ZFHX3: variants seen among roughly 807,000 people sequenced by gnomAD.
ZFHX3 encodes zinc finger homeobox protein 3.
In ZFHX3, 42 loss-of-function variants were observed where a neutral mutation model predicts 279.1. That is an observed-to-expected ratio of 0.15 (90% CI 0.12 to 0.19). The LOEUF is 0.19. Ranked by LOEUF, ZFHX3 falls within the 10% of genes least tolerant of loss-of-function variation. The pLI, the probability that ZFHX3 is intolerant of heterozygous loss-of-function variation, is 1.00. For synonymous variants in ZFHX3, 2,293 were observed against 1,957.8 expected (o/e 1.17, Z -4.52); for missense variants, 4,981 against 4,754.0 (o/e 1.05, Z -1.40).
chr16:72,808,243 G>C (rs2036330362), intron 7 of ZFHX3: 1 of 152,190 alleles, frequency 6.6e-6, no homozygotes, highest in East Asian at 1.9e-4. Flanking sequence ...TGATTCATCA[G>C]AGCAGAGATC....
chr16:73,127,435 G>A, intron 7 of ZFHX3: 2 of 1,305,424 alleles, frequency 1.5e-6, no homozygotes, highest in Non-Finnish European at 2.0e-6. Context: ...GAGCATCTCT[G>A]TTCCGGAACT....
chr16:72,898,163 T>C (rs1457510813), intron 3 of ZFHX3, among the ~76,000 whole-genome samples: 1 of 152,232 alleles, frequency 6.6e-6, no homozygotes, highest in Non-Finnish European at 1.5e-5. Context: ...GCTGGCTTTT[T>C]ATCTGCTCAA....
At chr16:73,220,758 T>TTGTGTGTG (rs142252855) in intron 5 of ZFHX3, among the ~76,000 whole-genome samples, 2 of 150,736 alleles carry the variant, frequency 1.3e-5, no homozygotes, top group Admixed American at 6.6e-5. Context: ...GTTGCATTCT[T>TTGTGTGTG]TGTGTGTGTG....
upstream of ZFHX3, among the ~76,000 whole-genome samples, chr16:73,063,669 T>C (rs1392232475): frequency 6.6e-6 from 1 of 152,100 alleles, no homozygotes; most frequent in East Asian, 1.9e-4. Flanking sequence ...GTTTGAATGT[T>C]GGTGCTAGAC....
intron 3 of ZFHX3, 49 bp from the exon 4 acceptor site, chr16:72,890,011 C>T (rs543997802): frequency 2.8e-5 from 43 of 1,531,768 alleles, no homozygotes; most frequent in East Asian, 1.9e-4. Flanking sequence ...CCACTCGAAG[C>T]GGCCACTGGC....
At chr16:73,753,986 A>ATGTGTGTG (rs1310925312) in intron 1 of ZFHX3, among the ~76,000 whole-genome samples, 1,515 of 147,418 alleles carry the variant, frequency 0.01, 34 homozygotes, top group African/African-American at 0.035. Flanking sequence ...GTAAGAATCA[A>ATGTGTGTG]TGTGTGTGTG....
intron 1 of ZFHX3, among the ~76,000 whole-genome samples, chr16:73,881,481 C>CT (rs2030155678): frequency 4.9e-5 from 1 of 20,400 alleles, no homozygotes; most frequent in African/African-American, 1.9e-4. Flanking sequence ...TCTCTCTCTG[C>CT]CCCCCCCCCC....
intron 2 of ZFHX3, among the ~76,000 whole-genome samples, chr16:73,610,921 G>A (rs2052238497): frequency 6.6e-6 from 1 of 152,188 alleles, no homozygotes; most frequent in South Asian, 2.1e-4. Flanking sequence ...CAGCACCGCA[G>A]ACTGTGACAA....
At chr16:73,500,640 T>G (rs916961046) in intron 2 of ZFHX3, among the ~76,000 whole-genome samples, 2 of 150,208 alleles carry the variant, frequency 1.3e-5, no homozygotes, top group African/African-American at 4.9e-5. Flanking sequence ...GCCCTAGTTT[T>G]TATTTTAAAA....
At chr16:73,365,094 T>C (rs79834609) in intron 3 of ZFHX3, among the ~76,000 whole-genome samples, 32 of 152,200 alleles carry the variant, frequency 2.1e-4, no homozygotes, top group African/African-American at 6.7e-4. Context: ...AAGTGCCACA[T>C]GTTTCGAGAA....
intron 5 of ZFHX3, among the ~76,000 whole-genome samples, chr16:73,245,072 A>T (rs762062773): frequency 9.2e-5 from 14 of 152,116 alleles, no homozygotes; most frequent in Non-Finnish European, 7.4e-5. Context: ...TGAAGGGAGG[A>T]TGGGTGGTCA....
Position 72,795,665 on chromosome 16 carries a change from G to A in ZFHX3, c.7017C>T (p.Arg2339=). ...TCTGGTGCTTGATGAGATCAAAGAT[G>A]CGCTGAAACACCAGGCTACATTTTT... ...QCKKCSLVFQ[R]IFDLIKHQKK... Residue 2339 remains arginine (R), a synonymous_variant, in exon 9 of 10, where the codon CGC becomes CGT. Transcript: ENST00000268489. The A allele has an allele frequency of 6.2e-7, 1 of 1,614,082 alleles. No homozygotes were observed. The highest frequency in any genetic ancestry group is 8.5e-7 in the Non-Finnish European group (1 of 1,180,008).
intron 1 of ZFHX3, among the ~76,000 whole-genome samples, chr16:73,806,270 C>G (rs531108513): frequency 6.6e-6 from 1 of 152,276 alleles, no homozygotes. Flanking sequence ...TACCAGAGCA[C>G]ATCTGGAGTA....
At position 72,793,221 on chromosome 16, in the gene ZFHX3, T is replaced by A; in HGVS notation, c.9427+34A>T. 6.4e-7 allele frequency: 1 copy of A among 1,567,734 alleles called. No homozygotes were observed. The highest frequency in any genetic ancestry group is 8.6e-7 in the Non-Finnish European group (1 of 1,157,778). On this transcript the variant is annotated intron_variant, in intron 9 of 9. Coordinates refer to ENST00000268489, the MANE Select transcript of ZFHX3 (RefSeq NM_006885.4). This position sits in a 1 kb window ranked among gnomAD's most constrained non-coding sequence, Gnocchi z 4.3. The stretch of plus-strand genomic sequence containing the variant: ...ACAGAATGCTGACTGGGCAGCTATT[T>A]AGCCCTGAAACAATCGCCTAGAGCA...
At chr16:73,714,181 G>A (rs1179347360) in intron 1 of ZFHX3, among the ~76,000 whole-genome samples, 1 of 152,146 alleles carries the variant, frequency 6.6e-6, no homozygotes, top group African/African-American at 2.4e-5. Flanking sequence ...GGTTTTAAAA[G>A]ACAATTTTGG....
intron 4 of ZFHX3, among the ~76,000 whole-genome samples, chr16:72,881,254 T>C (rs1029067028): frequency 6.6e-6 from 1 of 152,224 alleles, no homozygotes; most frequent in Admixed American, 6.5e-5. Context: ...TTTAAAATTT[T>C]ATTTAGCATT....
intron 2 of ZFHX3, among the ~76,000 whole-genome samples, chr16:73,585,020 A>G (rs1179931166): frequency 6.6e-6 from 1 of 152,240 alleles, no homozygotes; most frequent in Admixed American, 6.5e-5. Flanking sequence ...AAATCAAAAA[A>G]TGAAATACCT....
intron 1 of ZFHX3, among the ~76,000 whole-genome samples, chr16:73,727,544 T>C (rs997077036): frequency 6.6e-6 from 1 of 152,222 alleles, no homozygotes; most frequent in African/African-American, 2.4e-5. Flanking sequence ...CATTAAGGAT[T>C]GTGGCAACTC....
chr16:73,438,320 A>T (rs1314680471), intron 3 of ZFHX3, among the ~76,000 whole-genome samples: 1 of 152,226 alleles, frequency 6.6e-6, no homozygotes, highest in Non-Finnish European at 1.5e-5. Flanking sequence ...CCTGGTAGAG[A>T]TGTTTCTCTG....
Sources: allele counts gnomAD v4.1 joint callset (sites outside exome capture counted in the v4.1 genomes callset), GRCh38; gene constraint gnomAD v4.1.1; non-coding constraint Gnocchi (gnomAD v3.1); transcripts MANE v1.5; gene names NCBI Gene and HGNC (gene_info 2026-07-23, HGNC 2026-07-21).